Variants in DNTT observed in about 807,000 individuals in gnomAD.
DNTT encodes the protein nucleosidetriphosphate:DNA deoxynucleotidylexotransferase.
In DNTT, 47 loss-of-function variants were observed where a neutral mutation model predicts 60.9. The observed-to-expected ratio is 0.77, with a 90% CI of 0.61 to 0.98. The LOEUF (loss-of-function observed/expected upper bound fraction) is 0.98. DNTT is among the 50% of genes least tolerant of loss of function. DNTT has a pLI of 0.00. For synonymous variants in DNTT, 224 were observed against 221.2 expected (o/e 1.01, Z -0.11); for missense variants, 665 against 627.5 (o/e 1.06, Z -0.64).
intron 3 of DNTT, 80 bp downstream of exon 3, chr10:96,319,470 A>G: frequency 6.3e-7 from 1 of 1,581,766 alleles, no homozygotes; most frequent in Non-Finnish European, 8.6e-7. Flanking sequence ...TAAATTATAA[A>G]TTTTTCTGAA....
At chr10:96,313,244 C>A (rs542940124) in intron 1 of DNTT, among the ~76,000 whole-genome samples, 1 of 152,252 alleles carries the variant, frequency 6.6e-6, no homozygotes, top group East Asian at 1.9e-4. Flanking sequence ...ACCTTGGGAT[C>A]TCTGAGGTTG....
chr10:96,331,185 C>T (rs919204682), intron 8 of DNTT, among the ~76,000 whole-genome samples: 1 of 152,194 alleles, frequency 6.6e-6, no homozygotes, highest in African/African-American at 2.4e-5. Context: ...GAGAAAGAGT[C>T]TCCCAAGTGC....
In DNTT at chr10:96,307,701, G is replaced by GTATATATA. The variant is rs1197196328; in HGVS notation, c.203+3002_203+3003insATATATAT. ...CATATATATATGTATGTGTGTGTGT[G>GTATATATA]TGTGTATATATATATATATATATAT... is the stretch of plus-strand genomic sequence containing the variant. On this transcript the variant is annotated intron_variant, in intron 1 of 10. Transcript: ENST00000371174. Among the ~76,000 whole-genome samples, 79 of 85,016 alleles carry GTATATATA rather than the reference G, an allele frequency of 9.3e-4. 1 individual carries two copies. Among genetic ancestry groups the GTATATATA allele is most frequent in the African/African-American group, 2.4e-3 (63 of 26,488 alleles). The allele number at this position is 85,016 out of a possible 152,430, so 55.8% of individuals were successfully genotyped here.
At chr10:96,315,049 C>T (rs1321823635) in intron 1 of DNTT, among the ~76,000 whole-genome samples, 2 of 152,108 alleles carry the variant, frequency 1.3e-5, no homozygotes, top group African/African-American at 4.8e-5. Context: ...ATGGCAACCC[C>T]GACACGAGGA....
intron 8 of DNTT, among the ~76,000 whole-genome samples, chr10:96,329,544 C>T (rs940288099): frequency 2.6e-5 from 4 of 152,206 alleles, no homozygotes; most frequent in African/African-American, 9.7e-5. Context: ...TCACAGCTTC[C>T]TCCTTCCTGA....
chr10:96,333,536 A>G (rs1564875453), intron 9 of DNTT, among the ~76,000 whole-genome samples: 1 of 152,256 alleles, frequency 6.6e-6, no homozygotes, highest in Non-Finnish European at 1.5e-5. Flanking sequence ...AGCATGATAC[A>G]CCATAGCCAA....
chr10:96,332,876 A>G (rs1378425136), intron 9 of DNTT, among the ~76,000 whole-genome samples: 10 of 152,232 alleles, frequency 6.6e-5, no homozygotes, highest in Admixed American at 6.5e-4. Context: ...CTCCAAACCT[A>G]TGGAATCAAA....
At position 96,327,549 on chromosome 10, in the gene DNTT, T is replaced by A; in HGVS notation, c.956T>A (p.Val319Asp). 6.2e-7 allele frequency: 1 copy of A among 1,614,082 alleles called. No individual in the cohort carries two copies. The highest frequency in any genetic ancestry group is 8.5e-7 in the Non-Finnish European group (1 of 1,179,976). Residue 319 changes from valine to aspartate, a missense_variant, in exon 7 of 11, where the codon GTC becomes GAC. Val to Asp is a radical substitution (Grantham distance 152). Transcript: ENST00000371174. ...GTCAGTGTGCTGGTTAAAGAGGCTG[T>A]CTGGGCATTTCTTCCGGATGCTTTC... ...EAVSVLVKEAVWAFLPDAFVT... is the reference protein window; with the variant it reads ...EAVSVLVKEADWAFLPDAFVT...
chr10:96,331,583 T>A (rs1845007134), intron 8 of DNTT, among the ~76,000 whole-genome samples: 3 of 152,044 alleles, frequency 2.0e-5, no homozygotes. Flanking sequence ...GAGAACTCAC[T>A]CATTACCATG....
At position 96,324,222 on chromosome 10, in the gene DNTT, T is replaced by C. The variant is rs7894120; in HGVS notation, c.751-44T>C. On this transcript the variant is annotated intron_variant, in intron 5 of 10. Coordinates refer to ENST00000371174, the MANE Select transcript of DNTT (RefSeq NM_004088.4). ...AAGGGTCATGACTCGGATGTTATAA[T>C]GATTATCTTAGAGACTGATGGCATG... The C allele has an allele frequency of 0.01, 15,879 of 1,585,158 alleles. 1,066 individuals carry two copies. The African/African-American group carries it at 0.16, about 16-fold the overall frequency.
chr10:96,308,421 T>G (rs1844669090), intron 1 of DNTT, among the ~76,000 whole-genome samples: 1 of 152,240 alleles, frequency 6.6e-6, no homozygotes, highest in South Asian at 2.1e-4. Context: ...ATACTGAATT[T>G]TATTCCATGG....
At chr10:96,323,680 C>T (rs1315387095) in intron 5 of DNTT, among the ~76,000 whole-genome samples, 3 of 152,108 alleles carry the variant, frequency 2.0e-5, no homozygotes, top group African/African-American at 7.2e-5. Context: ...TTTATTACCT[C>T]CCAATTTTCC....
intron 1 of DNTT, among the ~76,000 whole-genome samples, chr10:96,310,590 T>C (rs1767899770): frequency 6.6e-6 from 1 of 152,194 alleles, no homozygotes; most frequent in Admixed American, 6.5e-5. Context: ...CTTTCCTCCC[T>C]AGAATGCTGG....
At chr10:96,336,572 C>T (rs1845072314) in intron 10 of DNTT, among the ~76,000 whole-genome samples, 1 of 152,178 alleles carries the variant, frequency 6.6e-6, no homozygotes, top group Non-Finnish European at 1.5e-5. Flanking sequence ...GTTAAATCCA[C>T]AGTTCTAAGG....
At chr10:96,331,021 G>T (rs1307990975) in intron 8 of DNTT, among the ~76,000 whole-genome samples, 2 of 152,000 alleles carry the variant, frequency 1.3e-5, no homozygotes, top group Non-Finnish European at 2.9e-5. Context: ...CCCCACATCT[G>T]CCCTGTGCCA....
At chr10:96,305,274 T>A (rs1447260784) in intron 1 of DNTT, among the ~76,000 whole-genome samples, 1 of 152,210 alleles carries the variant, frequency 6.6e-6, no homozygotes, top group Non-Finnish European at 1.5e-5. Context: ...ATGTATTCAC[T>A]GTTAAGACAG....
chr10:96,313,240 G>A (rs1844742221), intron 1 of DNTT, among the ~76,000 whole-genome samples: 7 of 152,100 alleles, frequency 4.6e-5, no homozygotes, highest in Admixed American at 4.6e-4. Flanking sequence ...CAGAACCTTG[G>A]GATCTCTGAG....
Position 96,312,034 on chromosome 10 carries a change from G to A in DNTT, c.204-6318G>A, listed in dbSNP as rs371414838. ...ATAATATCCATAAAACCTATGATCT[G>A]AGATGCATAATTTAAAATACAGATA... On this transcript the variant is annotated intron_variant, in intron 1 of 10. Coordinates refer to ENST00000371174, the MANE Select transcript of DNTT (RefSeq NM_004088.4). Among the ~76,000 whole-genome samples the A allele has an allele frequency of 1.1e-4, 17 of 152,324 alleles. No homozygotes were observed. In the South Asian group the frequency reaches 2.1e-3, roughly 19 times the overall value.
rs565312877 is a variant in DNTT, at chr10:96,332,766, A to C, written c.1359+170A>C. ...TCCTGTCCACACATGGCCAAGTATG[A>C]CAGATTAATTTAGAACAGTTATTCC... On this transcript the variant is annotated intron_variant, in intron 9 of 10. Coordinates refer to ENST00000371174, the MANE Select transcript of DNTT (RefSeq NM_004088.4). 3.3e-5 allele frequency among the ~76,000 whole-genome samples: 5 copies of C among 152,320 alleles called. No individual in the cohort carries two copies. The East Asian group carries it at 7.7e-4, about 23-fold the overall frequency.
Sources: allele counts gnomAD v4.1 joint callset (sites outside exome capture counted in the v4.1 genomes callset), GRCh38; gene constraint gnomAD v4.1.1; transcripts MANE v1.5; gene names NCBI Gene and HGNC (gene_info 2026-07-23, HGNC 2026-07-21).